The following RIN3 variants were observed in gnomAD, a reference collection of about 807,000 sequenced individuals.
RIN3 encodes the protein Ras and Rab interactor 3.
RIN3 carries 54 observed loss-of-function variants against 76.3 expected under a neutral mutation model. The ratio of observed to expected loss-of-function variants is 0.71; its 90% CI spans 0.57 to 0.89. The LOEUF (loss-of-function observed/expected upper bound fraction) is 0.89. RIN3 is among the 40% of genes least tolerant of loss of function. The pLI is 0.00. For synonymous variants in RIN3, 576 were observed against 564.0 expected, an observed-to-expected ratio of 1.02 and a Z score of -0.30; for missense variants, 1,256 against 1,322.1, an observed-to-expected ratio of 0.95 and a Z score of 0.78.
At chr14:92,557,264 G>A (rs949443645) in intron 2 of RIN3, among the ~76,000 whole-genome samples, 2 of 152,226 alleles carry the variant, frequency 1.3e-5, no homozygotes, top group African/African-American at 4.8e-5. Context: ...TATAGATGAG[G>A]CAACTGCGAT....
intron 1 of RIN3, among the ~76,000 whole-genome samples, chr14:92,535,169 A>G (rs963097898): frequency 1.3e-5 from 2 of 152,160 alleles, no homozygotes; most frequent in African/African-American, 4.8e-5. Flanking sequence ...ATCCACAGTA[A>G]GAAGCGCCAG....
intron 2 of RIN3, among the ~76,000 whole-genome samples, chr14:92,565,732 C>T (rs557808108): frequency 6.6e-6 from 1 of 152,304 alleles, no homozygotes; most frequent in African/African-American, 2.4e-5. Context: ...TGACCAGAGG[C>T]CACTTTCATT....
chr14:92,584,331 C>G (rs1884686336), intron 3 of RIN3, among the ~76,000 whole-genome samples: 1 of 152,226 alleles, frequency 6.6e-6, no homozygotes, highest in African/African-American at 2.4e-5. Flanking sequence ...GAATCCATGA[C>G]TGTTTCCCAA....
At chr14:92,617,566 C>T (rs180823393) in intron 4 of RIN3, among the ~76,000 whole-genome samples, 4 of 152,270 alleles carry the variant, frequency 2.6e-5, no homozygotes, top group African/African-American at 9.6e-5. Flanking sequence ...GCATTTAAAA[C>T]CTTTGAGAGA....
intron 3 of RIN3, among the ~76,000 whole-genome samples, chr14:92,611,259 C>T (rs995895911): frequency 2.0e-5 from 3 of 151,790 alleles, no homozygotes; most frequent in African/African-American, 2.4e-5. Flanking sequence ...GCATTCCCTT[C>T]GCTGGGTCTG....
chr14:92,666,401 C>G (rs929117161), intron 7 of RIN3, among the ~76,000 whole-genome samples: 11 of 152,236 alleles, frequency 7.2e-5, no homozygotes, highest in African/African-American at 2.7e-4. Context: ...CACTCTAAAG[C>G]CTGTGCTTCT....
intron 3 of RIN3, among the ~76,000 whole-genome samples, chr14:92,605,947 ATT>A (rs1358993083): frequency 1.3e-5 from 2 of 152,150 alleles, no homozygotes; most frequent in Non-Finnish European, 2.9e-5. Flanking sequence ...TGTGCCTACT[ATT>A]TTCCAGACAA....
At chr14:92,601,320 C>T (rs571417773) in intron 3 of RIN3, among the ~76,000 whole-genome samples, 6 of 152,102 alleles carry the variant, frequency 3.9e-5, no homozygotes, top group East Asian at 3.9e-4. Flanking sequence ...GGTGAGGGCA[C>T]GGACTGCAGT....
intron 4 of RIN3, among the ~76,000 whole-genome samples, chr14:92,622,403 T>C (rs770065567): frequency 2.6e-5 from 4 of 152,346 alleles, no homozygotes; most frequent in Middle Eastern, 6.8e-3. Flanking sequence ...AGCATCCTTA[T>C]AATTTGATAA....
intron 7 of RIN3, 164 bp downstream of exon 7, chr14:92,659,633 C>T (rs1446176086): frequency 1.7e-6 from 1 of 604,024 alleles, no homozygotes; most frequent in Non-Finnish European, 2.7e-6. Context: ...TTCCTGGGCC[C>T]TCTTGGAGTT....
intron 7 of RIN3, among the ~76,000 whole-genome samples, chr14:92,675,936 C>T (rs887753731): frequency 3.3e-5 from 5 of 152,032 alleles, no homozygotes; most frequent in Admixed American, 2.6e-4. Context: ...GATGATACTT[C>T]GAGGGGTCTT....
intron 3 of RIN3, among the ~76,000 whole-genome samples, chr14:92,604,230 C>T (rs1365306925): frequency 6.6e-6 from 1 of 152,202 alleles, no homozygotes; most frequent in African/African-American, 2.4e-5. Flanking sequence ...CTGCAGGCGC[C>T]CCCCCTCCCA....
At chr14:92,523,021 A>G (rs769162576) in intron 1 of RIN3, among the ~76,000 whole-genome samples, 1 of 152,240 alleles carries the variant, frequency 6.6e-6, no homozygotes, top group Non-Finnish European at 1.5e-5. Flanking sequence ...ATATTATAGT[A>G]AGGGTCCCAA....
At chr14:92,528,772 C>T (rs928260741) in intron 1 of RIN3, among the ~76,000 whole-genome samples, 5 of 152,166 alleles carry the variant, frequency 3.3e-5, no homozygotes, top group Admixed American at 1.3e-4. Context: ...GTAGGCACTT[C>T]GCAGCAGGCA....
chr14:92,678,626 C>T (rs1177890865), intron 8 of RIN3, among the ~76,000 whole-genome samples: 6 of 151,900 alleles, frequency 3.9e-5, no homozygotes, highest in East Asian at 3.9e-4. Context: ...CACCCACCTA[C>T]GCAATCACAC....
intron 8 of RIN3, among the ~76,000 whole-genome samples, chr14:92,680,085 A>G (rs763196371): frequency 3.9e-5 from 6 of 152,196 alleles, no homozygotes; most frequent in Non-Finnish European, 5.9e-5. Context: ...TGGGAAGTCC[A>G]AGATCAAGGC....
intron 2 of RIN3, among the ~76,000 whole-genome samples, chr14:92,575,571 A>G (rs1418897463): frequency 6.6e-6 from 1 of 152,110 alleles, no homozygotes; most frequent in African/African-American, 2.4e-5. Context: ...AATTCCCAGA[A>G]CTAAGGGTCC....
chr14:92,644,256 TG>T (rs1469085372), intron 5 of RIN3, among the ~76,000 whole-genome samples: 1 of 152,142 alleles, frequency 6.6e-6, no homozygotes, highest in Non-Finnish European at 1.5e-5. Context: ...GTAGAGTAAG[TG>T]AGATGCATGG....
At chr14:92,575,873 C>G (rs904662963) in intron 2 of RIN3, among the ~76,000 whole-genome samples, 3 of 151,674 alleles carry the variant, frequency 2.0e-5, no homozygotes, top group African/African-American at 7.3e-5. Context: ...TGCAGCCCAG[C>G]GGGGTCTCAG....
Sources: gnomAD v4.1 joint callset for allele counts (sites outside exome capture counted in the v4.1 genomes callset) on GRCh38, gnomAD v4.1.1 for gene constraint, MANE v1.5 for transcripts, NCBI Gene and HGNC (gene_info 2026-07-23, HGNC 2026-07-21) for gene names.